The following CCDC81 variants were observed in gnomAD, a reference collection of about 807,000 sequenced individuals.
CCDC81 encodes the protein coiled-coil domain containing 81, also known as coiled-coil domain-containing protein 81.
A neutral mutation model predicts 83.7 loss-of-function variants in CCDC81; 79 were observed. That is an observed-to-expected ratio of 0.94 (90% CI 0.79 to 1.14). The LOEUF (loss-of-function observed/expected upper bound fraction) is 1.14, where lower values mean the gene tolerates loss of function less well. Among genes scored for constraint, CCDC81 ranks in the 50% most tolerant of loss-of-function variants. CCDC81 has a pLI of 0.00. For synonymous variants in CCDC81, 252 were observed against 278.1 expected (o/e 0.91, Z 0.93); for missense variants, 791 against 778.1 (o/e 1.02, Z -0.20).
intron 3 of CCDC81, among the ~76,000 whole-genome samples, chr11:86,391,719 A>G (rs1239866676): frequency 3.3e-5 from 5 of 152,244 alleles, no homozygotes; most frequent in Admixed American, 3.3e-4. Flanking sequence ...TAATCATGTA[A>G]AAATGGCATG....
intron 1 of CCDC81, among the ~76,000 whole-genome samples, chr11:86,381,600 G>A (rs556693945): frequency 4.6e-5 from 7 of 152,266 alleles, no homozygotes; most frequent in East Asian, 1.9e-4. Context: ...ATGTGAGTCC[G>A]TTTCAGGAAG....
At chr11:86,400,130 CAAAAAAA>C (rs560965042) in intron 6 of CCDC81, among the ~76,000 whole-genome samples, 1,933 of 106,506 alleles carry the variant, frequency 0.018, 42 homozygotes, top group African/African-American at 0.058. Flanking sequence ...GACTCCATCT[CAAAAAAA>C]AAAAAAAAAA....
chr11:86,421,465 A>G (rs1477639943), intron 14 of CCDC81, among the ~76,000 whole-genome samples: 1 of 152,078 alleles, frequency 6.6e-6, no homozygotes, highest in African/African-American at 2.4e-5. Flanking sequence ...GCCTGCCACC[A>G]GGCCTGGCTA....
chr11:86,387,381 T>C, intron 2 of CCDC81, 135 bp from the exon 3 acceptor site: 1 of 712,288 alleles, frequency 1.4e-6, no homozygotes, highest in South Asian at 1.8e-5. Context: ...GCTATAGCTC[T>C]GAAGAGTCCT....
Position 86,400,666 on chromosome 11 carries a change from T to G in CCDC81, c.758-12T>G, listed in dbSNP as rs1948473586. On this transcript the variant is annotated splice_polypyrimidine_tract_variant and intron_variant, in intron 6 of 14. Coordinates refer to ENST00000445632, the MANE Select transcript of CCDC81 (RefSeq NM_001156474.2). ...AAAGGAGACTCGTTTTCATTCATTC[T>G]TTATTCTACAGATATCTCATCACCC... 6.3e-7 allele frequency: 1 copy of G among 1,583,208 alleles called. No individual in the cohort carries two copies. Among genetic ancestry groups the G allele is most frequent in the Non-Finnish European group, 8.6e-7 (1 of 1,157,734 alleles).
At chr11:86,421,472 G>C (rs946924663) in intron 14 of CCDC81, among the ~76,000 whole-genome samples, 2 of 152,144 alleles carry the variant, frequency 1.3e-5, no homozygotes, top group Admixed American at 6.5e-5. Flanking sequence ...ACCAGGCCTG[G>C]CTAATTTTTT....
chr11:86,400,701 C>G lies in CCDC81; in HGVS notation c.781C>G (p.Arg261Gly), dbSNP rs1171982662. ...TRDISSPKRL[R>G]DRQALFPAKV... ...AGATATCTCATCACCCAAAAGACTT[C>G]GAGATAGACAAGCTTTGTTCCCTGC... The change falls in exon 7 of 15, where the codon CGA becomes GGA. Residue 261 changes from arginine to glycine, a missense_variant. Physicochemically the swap from Arg to Gly is moderately radical, Grantham distance 125. Coordinates refer to ENST00000445632, the MANE Select transcript of CCDC81 (RefSeq NM_001156474.2). 1.2e-6 allele frequency: 2 copies of G among 1,611,468 alleles called. No homozygotes were observed. Among genetic ancestry groups the G allele is most frequent in the African/African-American group, 1.3e-5 (1 of 75,008 alleles).
In CCDC81 at chr11:86,408,044, G is replaced by T. The variant is rs549791660; in HGVS notation, c.970-83G>T. 7.2e-6 allele frequency: 10 copies of T among 1,390,246 alleles called. No individual in the cohort carries two copies. In the East Asian group the frequency reaches 2.4e-4, roughly 34 times the overall value. 86.1% of individuals were successfully genotyped at this position (1,390,246 alleles called of 1,614,324 possible). On this transcript the variant is annotated intron_variant, in intron 8 of 14. Coordinates refer to ENST00000445632, the MANE Select transcript of CCDC81 (RefSeq NM_001156474.2). ...AATAATAGGTTTCTTGATATACCTA[G>T]CCTTTGGAGAGCTTGTGAAGGGAAT... is the stretch of plus-strand genomic sequence containing the variant.
intron 1 of CCDC81, 42 bp from the exon 2 acceptor site, chr11:86,386,009 C>T (rs370721972): frequency 7.1e-4 from 667 of 941,730 alleles, no homozygotes; most frequent in Non-Finnish European, 9.4e-4. Context: ...CACATGGGTG[C>T]GCATATAAAT....
chr11:86,402,925 A>G (rs967139427), intron 7 of CCDC81, among the ~76,000 whole-genome samples: 1 of 151,904 alleles, frequency 6.6e-6, no homozygotes, highest in African/African-American at 2.4e-5. Flanking sequence ...TGCAGCCTCA[A>G]CCTGCTGGGC....
At position 86,419,978 on chromosome 11, in the gene CCDC81, A is replaced by G. The variant is rs1340881200; in HGVS notation, c.1742A>G (p.Gln581Arg). Residue 581 changes from glutamine (Q) to arginine (R), a missense_variant, in exon 14 of 15, where the codon CAA (glutamine) becomes CGA (arginine). Physicochemically the swap from Gln to Arg is conservative, Grantham distance 43. Transcript: ENST00000445632. ...AELERVNRVNQCLQEDWERSA... is the reference protein window; with the variant it reads ...AELERVNRVNRCLQEDWERSA... The stretch of plus-strand genomic sequence containing the variant: ...CTGGAGCGAGTAAATAGAGTCAACC[A>G]ATGCTTACAGGAGGACTGGGAAAGG... 4 of 1,613,812 alleles carry G rather than the reference A, an allele frequency of 2.5e-6. No homozygotes were observed. The South Asian group carries it at 4.4e-5, about 18-fold the overall frequency.
intron 7 of CCDC81, among the ~76,000 whole-genome samples, 181 bp from the exon 8 acceptor site, chr11:86,407,433 C>T (rs1948578341): frequency 6.6e-6 from 1 of 152,196 alleles, no homozygotes; most frequent in Admixed American, 6.5e-5. Flanking sequence ...GGGATTCAAA[C>T]CCACCTTTAT....
chr11:86,405,176 C>T (rs1187442641), intron 7 of CCDC81, among the ~76,000 whole-genome samples: 1 of 152,108 alleles, frequency 6.6e-6, no homozygotes, highest in East Asian at 1.9e-4. Flanking sequence ...TCAATTTTTG[C>T]TTCTTAAGCA....
Position 86,409,293 on chromosome 11 carries a change from GA to G in CCDC81, c.1151del (p.Asn384MetfsTer12). The G allele has an allele frequency of 1.3e-6, 2 of 1,529,192 alleles. No homozygotes were observed. Among genetic ancestry groups the G allele is most frequent in the Non-Finnish European group, 8.8e-7 (1 of 1,141,402 alleles). The allele number at this position is 1,529,192 out of a possible 1,614,324, so 94.7% of individuals were successfully genotyped here. On this transcript the variant is annotated frameshift_variant, in exon 10 of 15. Transcript: ENST00000445632. LOFTEE classifies it high-confidence loss of function. ...KSLATREQNQKNAAYNLGVAE... is the reference protein window; with the variant it reads ...KSLATREQNQXNAAYNLGVAE... Reference sequence around the variant, plus strand: ...GTCTGGCTACTAGAGAACAGAATCAGAAAAATGCTGCCTATAATCTTGGAGT... The same window carrying G: ...GTCTGGCTACTAGAGAACAGAATCAGAAAATGCTGCCTATAATCTTGGAGT...
chr11:86,405,131 C>G (rs1211981850), intron 7 of CCDC81, among the ~76,000 whole-genome samples: 1 of 152,044 alleles, frequency 6.6e-6, no homozygotes, highest in Non-Finnish European at 1.5e-5. Flanking sequence ...TATTAAAAAT[C>G]TTTCACCATG....
intron 13 of CCDC81, among the ~76,000 whole-genome samples, chr11:86,418,892 A>C (rs7120275): frequency 6.6e-6 from 1 of 151,996 alleles, no homozygotes; most frequent in Non-Finnish European, 1.5e-5. Flanking sequence ...AAAAAAATCT[A>C]CGAAAAGAAA....
At chr11:86,402,424 C>T (rs1425430446) in intron 7 of CCDC81, among the ~76,000 whole-genome samples, 1 of 151,984 alleles carries the variant, frequency 6.6e-6, no homozygotes, top group East Asian at 1.9e-4. Flanking sequence ...GGTGATTTCC[C>T]CATGACATTA....
intron 1 of CCDC81, among the ~76,000 whole-genome samples, chr11:86,378,253 T>C (rs563770749): frequency 3.5e-4 from 54 of 152,326 alleles, no homozygotes; most frequent in Non-Finnish European, 6.3e-4. Context: ...GCATATTATT[T>C]AGTCCCCATG....
chr11:86,422,536 AG>A, intron 14 of CCDC81, 37 bp from the exon 15 acceptor site: 1 of 1,593,338 alleles, frequency 6.3e-7, no homozygotes, highest in Non-Finnish European at 8.6e-7. Context: ...CAGGAACTCC[AG>A]GAACCTGCTG....
Sources: gnomAD v4.1 joint callset for allele counts (sites outside exome capture counted in the v4.1 genomes callset) on GRCh38, gnomAD v4.1.1 for gene constraint, MANE v1.5 for transcripts, NCBI Gene and HGNC (gene_info 2026-07-23, HGNC 2026-07-21) for gene names.